The following GLIS3 variants were observed in gnomAD, a reference collection of about 807,000 sequenced individuals.
GLIS3 encodes GLIS family zinc finger 3.
GLIS3 carries 53 observed loss-of-function variants against 78.6 expected under a neutral mutation model. The ratio of observed to expected loss-of-function variants is 0.67; its 90% CI spans 0.54 to 0.85. GLIS3 has a LOEUF of 0.85. Ranked by LOEUF, GLIS3 falls within the 40% of genes least tolerant of loss-of-function variation. The pLI, the probability that GLIS3 is intolerant of heterozygous loss-of-function variation, is 0.00. For synonymous variants in GLIS3, 684 were observed against 509.9 expected, an observed-to-expected ratio of 1.34 and a Z score of -4.60; for missense variants, 1,703 against 1,231.1, an observed-to-expected ratio of 1.38 and a Z score of -5.74.
At chr9:3,970,639 T>A (rs781061770) in intron 4 of GLIS3, among the ~76,000 whole-genome samples, 30 of 152,176 alleles carry the variant, frequency 2.0e-4, no homozygotes, top group Middle Eastern at 3.4e-3. Flanking sequence ...AATGTAGAGG[T>A]TGAGAAGCCC....
chr9:4,162,275 AT>A (rs546826979), intron 2 of GLIS3, among the ~76,000 whole-genome samples: 1 of 151,936 alleles, frequency 6.6e-6, no homozygotes, highest in African/African-American at 2.4e-5. Flanking sequence ...GTATGACCTC[AT>A]TTTTTTAACT....
At position 4,067,558 on chromosome 9, in the gene GLIS3, A is replaced by G. The variant is rs182026342; in HGVS notation, c.1710+50210T>C. Among the ~76,000 whole-genome samples the G allele has an allele frequency of 1.1e-4, 16 of 152,318 alleles. No homozygotes were observed. The East Asian group carries it at 2.9e-3, about 28-fold the overall frequency. On this transcript the variant is annotated intron_variant, in intron 4 of 10. Coordinates refer to ENST00000381971, the MANE Select transcript of GLIS3 (RefSeq NM_001042413.2). ...TCCCTATGAAATAATTCTACTGCAA[A>G]AAAAGGAGAATATTTTTTAGAATTC...
chr9:4,011,345 T>G (rs1256864087), intron 4 of GLIS3, among the ~76,000 whole-genome samples: 1 of 152,096 alleles, frequency 6.6e-6, no homozygotes, highest in Admixed American at 6.6e-5. Context: ...TCAAGGAGTT[T>G]GTGGTAAAAT....
At chr9:4,109,234 T>A (rs1831018186) in intron 4 of GLIS3, among the ~76,000 whole-genome samples, 1 of 152,182 alleles carries the variant, frequency 6.6e-6, no homozygotes, top group Non-Finnish European at 1.5e-5. Flanking sequence ...CAAACCTTTG[T>A]TTAACAGTAC....
At chr9:4,358,751 T>C in the GLIS3 span, among the ~76,000 whole-genome samples, 2 of 152,214 alleles carry the variant, frequency 1.3e-5, no homozygotes, top group African/African-American at 4.8e-5. Context: ...TGTGTACATA[T>C]GTGTCCAGGT....
At chr9:4,104,546 T>C (rs1322936585) in intron 4 of GLIS3, among the ~76,000 whole-genome samples, 1 of 152,172 alleles carries the variant, frequency 6.6e-6, no homozygotes, top group Non-Finnish European at 1.5e-5. Flanking sequence ...AGGGATTCTA[T>C]TAAAACATAA....
intron 4 of GLIS3, among the ~76,000 whole-genome samples, chr9:4,041,019 A>C (rs746369481): frequency 6.6e-6 from 1 of 152,228 alleles, no homozygotes; most frequent in Non-Finnish European, 1.5e-5. Context: ...AATGCATGCT[A>C]AACTTTGAAA....
intron 4 of GLIS3, among the ~76,000 whole-genome samples, chr9:4,028,488 G>C (rs1235914291): frequency 2.0e-5 from 3 of 152,090 alleles, no homozygotes; most frequent in Non-Finnish European, 2.9e-5. Flanking sequence ...TCATTTTTCA[G>C]TAAAATGGTT....
chr9:4,216,002 G>C (rs1820793566), intron 2 of GLIS3, among the ~76,000 whole-genome samples: 1 of 152,078 alleles, frequency 6.6e-6, no homozygotes. Flanking sequence ...CATGATGCTT[G>C]GGCTGATGGT....
chr9:4,045,590 G>A (rs1825183084), intron 4 of GLIS3, among the ~76,000 whole-genome samples: 1 of 151,672 alleles, frequency 6.6e-6, no homozygotes, highest in African/African-American at 2.4e-5. Flanking sequence ...TCCCACCTCA[G>A]CCTCCCAAAG....
chr9:3,949,337 C>T (rs1415200964), intron 4 of GLIS3, among the ~76,000 whole-genome samples: 1 of 152,120 alleles, frequency 6.6e-6, no homozygotes, highest in South Asian at 2.1e-4. Flanking sequence ...CATGATCTTC[C>T]TTTTTAACTA....
At chr9:3,919,716 T>A (rs903947727) in intron 6 of GLIS3, among the ~76,000 whole-genome samples, 1 of 151,416 alleles carries the variant, frequency 6.6e-6, no homozygotes, top group Admixed American at 6.6e-5. Context: ...ATACCCCAAC[T>A]GGATGGTACT....
At chr9:4,446,957 G>A in the GLIS3 span, among the ~76,000 whole-genome samples, 3 of 152,004 alleles carry the variant, frequency 2.0e-5, no homozygotes, top group African/African-American at 4.8e-5. Context: ...ACCAATTTTT[G>A]CAAACGTGCC....
chr9:4,049,973 A>T (rs1199985639), intron 4 of GLIS3, among the ~76,000 whole-genome samples: 3 of 152,268 alleles, frequency 2.0e-5, no homozygotes, highest in East Asian at 1.9e-4. Context: ...GATGTGGAGA[A>T]ATAGGAACAC....
chr9:4,377,499 C>T, the GLIS3 span, among the ~76,000 whole-genome samples: 64 of 135,176 alleles, frequency 4.7e-4, 11 homozygotes, highest in African/African-American at 1.4e-3. Flanking sequence ...AGCTTACAGA[C>T]GGCCTATCGT....
At chr9:4,272,169 C>G (rs1236887344) in intron 2 of GLIS3, among the ~76,000 whole-genome samples, 2 of 152,108 alleles carry the variant, frequency 1.3e-5, no homozygotes, top group African/African-American at 4.8e-5. Flanking sequence ...TGCACCAAAA[C>G]CACTATTTTA....
At chr9:4,287,524 C>T (rs1056012641) in intron 1 of GLIS3, among the ~76,000 whole-genome samples, 5 of 152,162 alleles carry the variant, frequency 3.3e-5, no homozygotes, top group African/African-American at 1.2e-4. Flanking sequence ...GCCACTATGC[C>T]AAATGTATTA....
chr9:3,964,491 A>G lies in GLIS3; in HGVS notation c.1711-27302T>C, dbSNP rs114286454. On this transcript the variant is annotated intron_variant, in intron 4 of 10. Transcript: ENST00000381971. ...TCTTTTCTAATTTTCCAGGAATTCA[A>G]TCACACACTCTGTCCTTTAATTAGT... Among the ~76,000 whole-genome samples, 384 of 152,348 alleles carry G rather than the reference A, an allele frequency of 2.5e-3. 2 individuals carry two copies. The highest frequency in any genetic ancestry group is 7.9e-3 in the African/African-American group (330 of 41,588).
intron 4 of GLIS3, among the ~76,000 whole-genome samples, chr9:3,996,745 TG>T (rs1820772739): frequency 6.6e-6 from 1 of 152,038 alleles, no homozygotes; most frequent in South Asian, 2.1e-4. Context: ...AGTCCAACAT[TG>T]GTTTTTTTAG....
Sources: gnomAD v4.1 joint callset for allele counts (sites outside exome capture counted in the v4.1 genomes callset) on GRCh38, gnomAD v4.1.1 for gene constraint, MANE v1.5 for transcripts, NCBI Gene and HGNC (gene_info 2026-07-23, HGNC 2026-07-21) for gene names.